Variants in GIGYF2 observed in about 807,000 individuals in gnomAD.
GIGYF2 encodes GRB10-interacting GYF protein 2.
Under a neutral mutation model 208.1 loss-of-function variants are expected in GIGYF2, and 25 were observed. The observed-to-expected ratio is 0.12, with a 90% confidence interval of 0.09 to 0.17. The LOEUF is 0.17. Among genes scored for constraint, GIGYF2 ranks in the 10% least tolerant of loss-of-function variants. The pLI, the probability that GIGYF2 is intolerant of heterozygous loss-of-function variation, is 1.00. For missense variants in GIGYF2, 1,302 were observed against 1,579.4 expected (o/e 0.82, Z 2.98); for synonymous variants, 534 against 543.8 (o/e 0.98, Z 0.25).
rs1372554579 is a variant in GIGYF2 at position 232,791,159 on chromosome 2, G to A, written c.1082G>A (p.Arg361Lys). The change falls in exon 11 of 29, where the codon AGA (arginine) becomes AAA (lysine). Residue 361 changes from arginine (R) to lysine (K), a missense_variant. Coordinates refer to ENST00000373563, the MANE Select transcript of GIGYF2 (RefSeq NM_001103146.3). The stretch of plus-strand genomic sequence containing the variant: ...AAGAAAGAAGGAGAGAAAACAGATA[G>A]AGTAGGAGTTGGTAAGGCCTCTTCT... ...TNKKEGEKTD[R>K]VGVEASEETP... 1.2e-6 allele frequency: 2 copies of A among 1,613,908 alleles called. No individual in the cohort carries two copies. The highest frequency in any genetic ancestry group is 1.7e-6 in the Non-Finnish European group (2 of 1,179,966).
chr2:232,748,249 C>T (rs1437442730), intron 4 of GIGYF2, among the ~76,000 whole-genome samples: 1 of 152,116 alleles, frequency 6.6e-6, no homozygotes, highest in East Asian at 1.9e-4. Flanking sequence ...ATCTTACTCA[C>T]TGACTAGTAA....
chr2:232,764,570 ACT>A (rs1260760617), intron 8 of GIGYF2: 2 of 152,182 alleles, frequency 1.3e-5, no homozygotes, highest in Non-Finnish European at 2.9e-5. Flanking sequence ...TTATAGGGTC[ACT>A]CTCTATCAAT....
intron 28 of GIGYF2, among the ~76,000 whole-genome samples, chr2:232,853,862 A>G (rs999968664): frequency 5.9e-5 from 9 of 152,234 alleles, no homozygotes; most frequent in African/African-American, 1.9e-4. Context: ...GCATTCAGCC[A>G]AAGGATGAAT....
chr2:232,713,493 A>G (rs1192803476), intron 2 of GIGYF2, among the ~76,000 whole-genome samples: 5 of 152,248 alleles, frequency 3.3e-5, no homozygotes, highest in Non-Finnish European at 4.4e-5. Context: ...AACATCTTAC[A>G]TTACTATGGT....
chr2:232,747,289 T>A (rs1158730301), intron 3 of GIGYF2, among the ~76,000 whole-genome samples: 1 of 152,224 alleles, frequency 6.6e-6, no homozygotes, highest in East Asian at 1.9e-4. Flanking sequence ...TGTAAGGTAG[T>A]ATCTCACTTT....
At position 232,756,249 on chromosome 2, in the gene GIGYF2, T is replaced by A; in HGVS notation, c.294T>A (p.Ser98Arg). The change falls in exon 6 of 29, where the codon AGT becomes AGA. Residue 98 changes from serine to arginine, a missense_variant. Ser to Arg is a moderately radical substitution (Grantham distance 110). Transcript: ENST00000373563. Reference protein sequence around the residue: ...EQRNFSMSVNSAAVLRLTGRG... With the variant: ...EQRNFSMSVNRAAVLRLTGRG... ...GAAACTTTTCCATGTCTGTAAATAG[T>A]GCTGCTGTCCTGCGATTGACAGGAC... The A allele has an allele frequency of 6.4e-7, 1 of 1,571,468 alleles. No homozygotes were observed. Among genetic ancestry groups the A allele is most frequent in the Non-Finnish European group, 8.7e-7 (1 of 1,153,526 alleles).
chr2:232,736,897 A>G lies in GIGYF2; in HGVS notation c.41+1659A>G, dbSNP rs751337130. 5.3e-4 allele frequency among the ~76,000 whole-genome samples: 80 copies of G among 152,344 alleles called. No individual in the cohort carries two copies. The Middle Eastern group carries it at 0.01, about 19-fold the overall frequency. ...TGCTGTTTATAGGTAACAGAAAGGG[A>G]ACACCAGGAATTTAGACACAACAAC... On this transcript the variant is annotated intron_variant, in intron 3 of 28. Transcript: ENST00000373563.
Position 232,806,531 on chromosome 2 carries a change from G to A in GIGYF2, c.1680G>A (p.Ala560=), listed in dbSNP as rs142567233. ...NNQEMAEWFQ[A]GYFTMSLLVK... is the part of the protein sequence containing the mutation. Reference sequence around the variant, plus strand: ...AGGAGATGGCAGAATGGTTTCAGGCGGGCTATTTTACTATGTCTTTATTGG... The same window carrying A: ...AGGAGATGGCAGAATGGTTTCAGGCAGGCTATTTTACTATGTCTTTATTGG... Residue 560 remains alanine (A), a synonymous_variant, in exon 15 of 29, where the codon GCG becomes GCA. Transcript: ENST00000373563. The surrounding 1 kb of genome is among the most constrained non-coding windows in gnomAD (Gnocchi z 4.0). 23 of 1,610,044 alleles carry A rather than the reference G, an allele frequency of 1.4e-5. No individual in the cohort carries two copies. The African/African-American group carries it at 2.0e-4, about 14-fold the overall frequency.
chr2:232,854,820 C>G (rs1330570923), intron 28 of GIGYF2, among the ~76,000 whole-genome samples: 1 of 152,100 alleles, frequency 6.6e-6, no homozygotes, highest in Non-Finnish European at 1.5e-5. Context: ...AAACAAGAGG[C>G]TGCAGAAAAC....
At chr2:232,702,354 G>T (rs976518977) in intron 1 of GIGYF2, among the ~76,000 whole-genome samples, 2 of 152,006 alleles carry the variant, frequency 1.3e-5, no homozygotes, top group Non-Finnish European at 1.5e-5. Flanking sequence ...CAGGAGACTT[G>T]CTTGAACCTG....
In GIGYF2 at chr2:232,813,922, G is replaced by A. The variant is rs560731573; in HGVS notation, c.2107+1431G>A. Among the ~76,000 whole-genome samples, 11 of 126,778 alleles carry A rather than the reference G, an allele frequency of 8.7e-5. No individual in the cohort carries two copies. The South Asian group carries it at 2.6e-3, about 30-fold the overall frequency. 83.2% of individuals were successfully genotyped at this position (126,778 alleles called of 152,430 possible). ...TTTTTTTTTGAGACAGAGTCTTGCC[G>A]TGTTGCTGAGGCTGGTGTGTAGTGG... On this transcript the variant is annotated intron_variant, in intron 18 of 28. Coordinates refer to ENST00000373563, the MANE Select transcript of GIGYF2 (RefSeq NM_001103146.3).
At chr2:232,780,980 C>T (rs888525826) in intron 8 of GIGYF2, among the ~76,000 whole-genome samples, 7 of 151,910 alleles carry the variant, frequency 4.6e-5, no homozygotes, top group African/African-American at 1.7e-4. Context: ...TTTTTGGAGA[C>T]GGAGTCTTGC....
chr2:232,857,072 G>A lies in GIGYF2; in HGVS notation c.*212G>A, dbSNP rs1040005502. 1.8e-5 allele frequency: 11 copies of A among 599,486 alleles called. No individual in the cohort carries two copies. Among genetic ancestry groups the A allele is most frequent in the African/African-American group, 1.3e-4 (7 of 53,908 alleles). The allele number at this position is 599,486 out of a possible 1,614,324, so 37.1% of individuals were successfully genotyped here. ...TCTCAGACTATAGATAAGTGGACTG[G>A]ACCCTGTGTCTTGGGGGTGGCAGTT... On this transcript the variant is annotated 3_prime_UTR_variant, in exon 29 of 29. Transcript: ENST00000373563.
chr2:232,796,816 T>C (rs283467), intron 14 of GIGYF2, among the ~76,000 whole-genome samples: 111,394 of 152,114 alleles, frequency 0.73, 41,761 homozygotes, highest in African/African-American at 0.89. Flanking sequence ...CCCAAGATCA[T>C]GCCACTGCAC....
chr2:232,806,587 C>T lies in GIGYF2; in HGVS notation c.1736C>T (p.Pro579Leu), dbSNP rs780782433. The change falls in exon 15 of 29, where the codon CCT (proline) becomes CTT (leucine). Residue 579 changes from proline to leucine, a missense_variant. Physicochemically the swap from Pro to Leu is moderately conservative, Grantham distance 98. Coordinates refer to ENST00000373563, the MANE Select transcript of GIGYF2 (RefSeq NM_001103146.3). The surrounding 1 kb of genome is among the most constrained non-coding windows in gnomAD (Gnocchi z 4.0). The stretch of plus-strand genomic sequence containing the variant: ...AGAGCGTGTGATGAAAGCTTCCAAC[C>T]TCTTGGCGATATCATGAAAATGTGG... Reference protein sequence around the residue: ...VKRACDESFQPLGDIMKMWGR... With the variant: ...VKRACDESFQLLGDIMKMWGR... The T allele has an allele frequency of 2.5e-6, 4 of 1,612,762 alleles. No individual in the cohort carries two copies. In the Admixed American group the frequency reaches 6.7e-5, roughly 27 times the overall value.
intron 2 of GIGYF2, among the ~76,000 whole-genome samples, chr2:232,708,207 G>A (rs1244624775): frequency 2.6e-5 from 4 of 152,018 alleles, no homozygotes; most frequent in South Asian, 2.1e-4. Flanking sequence ...CTATCCTCCC[G>A]CCTTGGTCTC....
rs371946844 is a variant in GIGYF2, at chr2:232,768,496, C to T, written c.532+7060C>T. ...ACTAATTCAAAGTGAGAAGGATTTT[C>T]ATGCTGGAGCAGAGTAGCCAGAGGA... On this transcript the variant is annotated intron_variant, in intron 8 of 28. Transcript: ENST00000373563. 1.2e-6 allele frequency: 2 copies of T among 1,614,040 alleles called. No individual in the cohort carries two copies. Among genetic ancestry groups the T allele is most frequent in the African/African-American group, 1.3e-5 (1 of 74,938 alleles).
intron 2 of GIGYF2, among the ~76,000 whole-genome samples, chr2:232,734,687 A>G (rs1426300767): frequency 6.6e-6 from 1 of 152,332 alleles, no homozygotes; most frequent in Middle Eastern, 3.4e-3. Flanking sequence ...GAAGGTGAGG[A>G]GAGTTGTGGC....
At chr2:232,714,153 A>G (rs1202144755) in intron 2 of GIGYF2, among the ~76,000 whole-genome samples, 1 of 151,960 alleles carries the variant, frequency 6.6e-6, no homozygotes, top group African/African-American at 2.4e-5. Context: ...GGGTTTCACC[A>G]TGTTAGCCAG....
Sources: allele counts gnomAD v4.1 joint callset (sites outside exome capture counted in the v4.1 genomes callset), GRCh38; gene constraint gnomAD v4.1.1; non-coding constraint Gnocchi (gnomAD v3.1); transcripts MANE v1.5; gene names NCBI Gene and HGNC (gene_info 2026-07-23, HGNC 2026-07-21).